MEF2A: variants seen among roughly 807,000 people sequenced by gnomAD.
MEF2A encodes the protein myocyte-specific enhancer factor 2A.
MEF2A carries 28 observed loss-of-function variants against 55.8 expected under a neutral mutation model. The ratio of observed to expected loss-of-function variants is 0.50; its 90% CI spans 0.37 to 0.69. The LOEUF is 0.69. MEF2A is among the 30% of genes least tolerant of loss of function. The pLI is 0.00. For synonymous variants in MEF2A, 239 were observed against 227.1 expected, an observed-to-expected ratio of 1.05 and a Z score of -0.47; for missense variants, 528 against 626.2, an observed-to-expected ratio of 0.84 and a Z score of 1.67.
intron 1 of MEF2A, among the ~76,000 whole-genome samples, chr15:99,576,741 C>T (rs969507147): frequency 6.6e-6 from 1 of 151,604 alleles, no homozygotes; most frequent in Non-Finnish European, 1.5e-5. Flanking sequence ...CCCAGGTTCA[C>T]GCCATTCTCC....
rs1362681075 is a variant in MEF2A at position 99,715,258 on chromosome 15, T to C, written c.*2487T>C. 1.3e-5 allele frequency: 2 copies of C among 152,244 alleles called. No individual in the cohort carries two copies. Among genetic ancestry groups the C allele is most frequent in the Non-Finnish European group, 2.9e-5 (2 of 68,034 alleles). 9.4% of individuals were successfully genotyped at this position (152,244 alleles called of 1,614,324 possible). Reference sequence around the variant, plus strand: ...TTTATGCATGTTCATGAACTTCTGCTGTACATTGGAATAGGAGTTAACACA... The same window carrying C: ...TTTATGCATGTTCATGAACTTCTGCCGTACATTGGAATAGGAGTTAACACA... On this transcript the variant is annotated 3_prime_UTR_variant, in exon 12 of 12. Coordinates refer to ENST00000557942, the MANE Select transcript of MEF2A (RefSeq NM_001319206.4).
intron 1 of MEF2A, among the ~76,000 whole-genome samples, chr15:99,586,494 C>T (rs1967310529): frequency 6.6e-6 from 1 of 152,142 alleles, no homozygotes; most frequent in Non-Finnish European, 1.5e-5. Context: ...TTAATGTTCA[C>T]ATCTTTTGCC....
At chr15:99,633,515 A>T (rs2043262109) in intron 3 of MEF2A, among the ~76,000 whole-genome samples, 1 of 152,122 alleles carries the variant, frequency 6.6e-6, no homozygotes, top group Admixed American at 6.5e-5. Flanking sequence ...TATATTGATT[A>T]TTTTTAAGTT....
intron 3 of MEF2A, among the ~76,000 whole-genome samples, chr15:99,640,638 C>A (rs755369022): frequency 2.0e-5 from 3 of 151,146 alleles, no homozygotes; most frequent in Non-Finnish European, 4.4e-5. Flanking sequence ...CTCACTGCAG[C>A]CTTGACCTCC....
At chr15:99,626,433 T>A (rs1414218061) in intron 2 of MEF2A, among the ~76,000 whole-genome samples, 1 of 151,768 alleles carries the variant, frequency 6.6e-6, no homozygotes, top group Admixed American at 6.6e-5. Context: ...CTTCGTTGAT[T>A]TTTTTTTTCC....
At chr15:99,606,164 G>T (rs1185808256) in intron 2 of MEF2A, among the ~76,000 whole-genome samples, 1 of 152,156 alleles carries the variant, frequency 6.6e-6, no homozygotes, top group East Asian at 1.9e-4. Flanking sequence ...GAAAGAATTA[G>T]TCAATAAATC....
chr15:99,583,727 ATAT>A (rs1378386577), intron 1 of MEF2A, among the ~76,000 whole-genome samples: 1 of 152,170 alleles, frequency 6.6e-6, no homozygotes, highest in East Asian at 1.9e-4. Context: ...ATTAGCCTTA[ATAT>A]TTATTACAGG....
At chr15:99,687,121 GTTTC>G (rs2153702123) in intron 7 of MEF2A, among the ~76,000 whole-genome samples, 1 of 142,366 alleles carries the variant, frequency 7.0e-6, no homozygotes, top group Admixed American at 7.0e-5. Context: ...TAGAGACGGG[GTTTC>G]ACCATGTTGC....
chr15:99,639,203 GT>G (rs2044442694), intron 3 of MEF2A, among the ~76,000 whole-genome samples: 1 of 151,988 alleles, frequency 6.6e-6, no homozygotes, highest in Admixed American at 6.6e-5. Flanking sequence ...TATTCATAAA[GT>G]GAAAAAAATT....
intron 2 of MEF2A, among the ~76,000 whole-genome samples, chr15:99,611,703 C>T (rs1385325599): frequency 2.0e-5 from 3 of 152,192 alleles, no homozygotes; most frequent in Non-Finnish European, 4.4e-5. Flanking sequence ...TATATGTCTG[C>T]ACAAAAACTT....
intron 2 of MEF2A, among the ~76,000 whole-genome samples, chr15:99,610,640 C>A (rs945349510): frequency 3.3e-5 from 5 of 151,874 alleles, no homozygotes; most frequent in African/African-American, 1.2e-4. Context: ...AGAAATAAAC[C>A]CATGCATTTA....
In MEF2A at chr15:99,601,511, T is replaced by G. The variant is rs903580490; in HGVS notation, c.-143+3000T>G. Among the ~76,000 whole-genome samples the G allele has an allele frequency of 2.6e-4, 17 of 66,082 alleles. 1 individual carries two copies. In the South Asian group the frequency reaches 9.4e-3, roughly 36 times the overall value. 43.4% of individuals were successfully genotyped at this position (66,082 alleles called of 152,430 possible). A position where few individuals can be genotyped will look rare whatever the true frequency, so the allele number is the denominator to read the frequency against. ...GTTTTTCACCAGGTCTTGGTCAGAGTTTTTTTTTTTTTTTTTTTCGTTTTC... is the reference window on the plus strand; with the variant it reads ...GTTTTTCACCAGGTCTTGGTCAGAGGTTTTTTTTTTTTTTTTTTCGTTTTC... On this transcript the variant is annotated intron_variant, in intron 2 of 11. Transcript: ENST00000557942.
At chr15:99,647,632 A>AT (rs2046182722) in intron 4 of MEF2A, among the ~76,000 whole-genome samples, 1 of 152,104 alleles carries the variant, frequency 6.6e-6, no homozygotes. Context: ...GATCCCAAAC[A>AT]TTTTTTTAAG....
intron 1 of MEF2A, among the ~76,000 whole-genome samples, chr15:99,589,015 G>C (rs890624132): frequency 3.3e-5 from 5 of 152,136 alleles, no homozygotes; most frequent in African/African-American, 1.2e-4. Context: ...CTGGTATGAA[G>C]TTTCTTTTAC....
chr15:99,576,838 G>A (rs1177230026), intron 1 of MEF2A, among the ~76,000 whole-genome samples: 2 of 151,726 alleles, frequency 1.3e-5, no homozygotes, highest in Non-Finnish European at 1.5e-5. Flanking sequence ...TAGTAGAGAC[G>A]GGGTTTCACC....
At chr15:99,594,459 CTTTTTTTTTTT>C (rs67846200) in intron 1 of MEF2A, among the ~76,000 whole-genome samples, 1 of 124,368 alleles carries the variant, frequency 8.0e-6, no homozygotes. Context: ...TCCTTTCTTT[CTTTTTTTTTTT>C]TTTTTTTTTT....
chr15:99,607,999 A>G (rs1462458087), intron 2 of MEF2A, among the ~76,000 whole-genome samples: 2 of 152,212 alleles, frequency 1.3e-5, no homozygotes, highest in Non-Finnish European at 2.9e-5. Flanking sequence ...GAGGTAGTAG[A>G]AGACATGAAT....
chr15:99,711,241 T>G (rs554909182), intron 11 of MEF2A, among the ~76,000 whole-genome samples: 1 of 152,320 alleles, frequency 6.6e-6, no homozygotes, highest in South Asian at 2.1e-4. Flanking sequence ...GAAGACAAGC[T>G]GGAGCTTTTG....
intron 3 of MEF2A, among the ~76,000 whole-genome samples, chr15:99,638,708 A>G (rs2044338056): frequency 6.6e-6 from 1 of 152,018 alleles, no homozygotes; most frequent in Admixed American, 6.6e-5. Context: ...TTTTTTTTAA[A>G]TATTAGCCAT....
Sources: gnomAD v4.1 joint callset for allele counts (sites outside exome capture counted in the v4.1 genomes callset) on GRCh38, gnomAD v4.1.1 for gene constraint, MANE v1.5 for transcripts, NCBI Gene and HGNC (gene_info 2026-07-23, HGNC 2026-07-21) for gene names.